Variants in ADAMTS9 observed in about 807,000 individuals in gnomAD.
The protein encoded by ADAMTS9 is A disintegrin and metalloproteinase with thrombospondin motifs 9.
ADAMTS9 carries 107 observed loss-of-function variants against 257.1 expected under a neutral mutation model. That is an observed-to-expected ratio of 0.42 (90% CI 0.36 to 0.49). ADAMTS9 has a LOEUF of 0.49. Among genes scored for constraint, ADAMTS9 ranks in the 20% least tolerant of loss-of-function variants. The pLI, the probability that ADAMTS9 is intolerant of heterozygous loss-of-function variation, is 0.03. For missense variants in ADAMTS9, 2,353 were observed against 2,469.1 expected, an observed-to-expected ratio of 0.95 and a Z score of 1.00; for synonymous variants, 982 against 880.9, an observed-to-expected ratio of 1.11 and a Z score of -2.03.
chr3:64,634,333 C>T (rs1171007413), intron 12 of ADAMTS9, among the ~76,000 whole-genome samples: 1 of 152,196 alleles, frequency 6.6e-6, no homozygotes, highest in East Asian at 1.9e-4. Context: ...GACATATTCA[C>T]AGGAGACCAT....
At chr3:64,685,766 C>T (rs1030364679) in intron 2 of ADAMTS9, among the ~76,000 whole-genome samples, 1 of 152,188 alleles carries the variant, frequency 6.6e-6, no homozygotes, top group African/African-American at 2.4e-5. Context: ...TCTCCACTCC[C>T]TGGAACCCGT....
chr3:64,552,047 G>A (rs2083277667), intron 30 of ADAMTS9, among the ~76,000 whole-genome samples: 1 of 152,198 alleles, frequency 6.6e-6, no homozygotes, highest in Admixed American at 6.5e-5. Context: ...TTTCAGAGAG[G>A]AGCTTATATG....
chr3:64,533,353 G>C, intron 37 of ADAMTS9, 83 bp from the exon 38 acceptor site: 1 of 1,056,392 alleles, frequency 9.5e-7, no homozygotes, highest in Non-Finnish European at 1.4e-6. Context: ...ACAATAAAAG[G>C]TACTTTGGAA....
At position 64,652,806 on chromosome 3, in the gene ADAMTS9, C is replaced by T. The variant is rs996236639; in HGVS notation, c.1316+1547G>A. Among the ~76,000 whole-genome samples the T allele has an allele frequency of 5.9e-5, 9 of 152,270 alleles. No homozygotes were observed. The East Asian group carries it at 1.7e-3, about 29-fold the overall frequency. ...TACCCAATGAATAGTACAGGTTGAA[C>T]ATCCCTAATCTCAAAACCCCAAATC... is the stretch of plus-strand genomic sequence containing the variant. On this transcript the variant is annotated intron_variant, in intron 8 of 39. Coordinates refer to ENST00000498707, the MANE Select transcript of ADAMTS9 (RefSeq NM_182920.2).
At chr3:64,558,962 C>T (rs903331177) in intron 30 of ADAMTS9, among the ~76,000 whole-genome samples, 2 of 152,026 alleles carry the variant, frequency 1.3e-5, no homozygotes, top group African/African-American at 2.4e-5. Context: ...TCAGGTAAAA[C>T]GGTGGCTGAA....
chr3:64,537,667 G>T (rs4688480), intron 37 of ADAMTS9, among the ~76,000 whole-genome samples: 1 of 148,752 alleles, frequency 6.7e-6, no homozygotes, highest in Admixed American at 6.7e-5. Context: ...TATGGAGACA[G>T]GGCTTGGGAT....
chr3:64,671,016 C>G (rs935531788), intron 3 of ADAMTS9, among the ~76,000 whole-genome samples: 1 of 152,166 alleles, frequency 6.6e-6, no homozygotes, highest in Non-Finnish European at 1.5e-5. Context: ...ATTAACCACA[C>G]AAGCCAGTAA....
chr3:64,561,669 T>G lies in ADAMTS9; in HGVS notation c.4607A>C (p.Glu1536Ala), dbSNP rs892722430. Residue 1536 changes from glutamate to alanine, a missense_variant, in exon 30 of 40, where the codon GAG (glutamate) becomes GCG (alanine). By Grantham distance (107) the Glu-to-Ala change is moderately radical. This residue lies in a region of ADAMTS9 where 1,402 missense variants were observed against 1,441.4 expected (regional missense o/e 0.97). Transcript: ENST00000498707. ...CTCCGGTCTGGTGTATGGGTTGCACTCGGTCTCTCTGGCTATTTTGTGTGT... is the reference window on the plus strand; with the variant it reads ...CTCCGGTCTGGTGTATGGGTTGCACGCGGTCTCTCTGGCTATTTTGTGTGT... ...IGTHKIARET[E>A]CNPYTRPESE... 2 of 1,614,096 alleles carry G rather than the reference T, an allele frequency of 1.2e-6. No homozygotes were observed. The highest frequency in any genetic ancestry group is 2.7e-5 in the African/African-American group (2 of 75,014).
intron 28 of ADAMTS9, among the ~76,000 whole-genome samples, chr3:64,580,307 T>C (rs1032907175): frequency 1.3e-5 from 2 of 152,178 alleles, no homozygotes; most frequent in Non-Finnish European, 2.9e-5. Context: ...TTCTTTCATT[T>C]AGAAAAAGCC....
Position 64,596,813 on chromosome 3 carries a change from G to T in ADAMTS9, c.4179+17C>A. The stretch of plus-strand genomic sequence containing the variant: ...ACACAATTCCTCTGTATTTATAGAC[G>T]GATAGTTCACTCTCACCTCTCCCCA... On this transcript the variant is annotated intron_variant, in intron 27 of 39. Transcript: ENST00000498707. 1 of 1,613,426 alleles carries T rather than the reference G, an allele frequency of 6.2e-7. No homozygotes were observed. Among genetic ancestry groups the T allele is most frequent in the Non-Finnish European group, 8.5e-7 (1 of 1,179,714 alleles).
intron 11 of ADAMTS9, among the ~76,000 whole-genome samples, chr3:64,642,974 G>C (rs1700692571): frequency 6.6e-6 from 1 of 152,166 alleles, no homozygotes. Context: ...CCCCACACAA[G>C]GCTTGGTAAA....
chr3:64,631,491 T>A lies in ADAMTS9; in HGVS notation c.2353A>T (p.Ser785Cys). 1 of 1,614,148 alleles carries A rather than the reference T, an allele frequency of 6.2e-7. No individual in the cohort carries two copies. The highest frequency in any genetic ancestry group is 8.5e-7 in the Non-Finnish European group (1 of 1,179,966). ...GATNIDVRQH[S>C]FSGETDDDNY... is the part of the protein sequence containing the mutation. The stretch of plus-strand genomic sequence containing the variant: ...TCATCGTCTGTTTCCCCTGAGAAAC[T>A]GTGCTGCCGCACATCAATATTGGTA... The change falls in exon 16 of 40, where the codon AGT becomes TGT. Residue 785 changes from serine (S) to cysteine (C), a missense_variant. Coordinates refer to ENST00000498707, the MANE Select transcript of ADAMTS9 (RefSeq NM_182920.2).
intron 16 of ADAMTS9, 27 bp downstream of exon 16, chr3:64,631,428 C>T (rs199565903): frequency 8.2e-6 from 13 of 1,585,102 alleles, no homozygotes; most frequent in Non-Finnish European, 1.1e-5. Context: ...AACCAGAACT[C>T]GCAAGTAGTG....
At chr3:64,533,917 T>C (rs1182869554) in intron 37 of ADAMTS9, among the ~76,000 whole-genome samples, 1 of 152,168 alleles carries the variant, frequency 6.6e-6, no homozygotes, top group African/African-American at 2.4e-5. Context: ...GAACATGGCC[T>C]CTGGTGCCTC....
chr3:64,633,663 G>A lies in ADAMTS9; in HGVS notation c.2038+35C>T, dbSNP rs201169608. 4,230 of 1,613,728 alleles carry A rather than the reference G, an allele frequency of 2.6e-3. 6 individuals carry two copies. The highest frequency in any genetic ancestry group is 3.3e-3 in the Non-Finnish European group (3,858 of 1,179,822). On this transcript the variant is annotated intron_variant, in intron 13 of 39. Coordinates refer to ENST00000498707, the MANE Select transcript of ADAMTS9 (RefSeq NM_182920.2). ...TTTGTGCCTGGCCTCAGTGCCGGCC[G>A]GCCAACGGTGAACAGATACACCAGA...
intron 38 of ADAMTS9, among the ~76,000 whole-genome samples, chr3:64,522,873 A>G (rs1035765088): frequency 1.3e-5 from 2 of 152,224 alleles, no homozygotes; most frequent in Non-Finnish European, 2.9e-5. Flanking sequence ...TTATTTTGTT[A>G]TCAAATTTAG....
rs991669302 is a variant in ADAMTS9 at position 64,515,893 on chromosome 3, G to C, written c.*1234C>G. 1 of 152,162 alleles carries C rather than the reference G, an allele frequency of 6.6e-6. No individual in the cohort carries two copies. The highest frequency in any genetic ancestry group is 6.5e-5 in the Admixed American group (1 of 15,272). 9.4% of individuals were successfully genotyped at this position (152,162 alleles called of 1,614,324 possible). A position where few individuals can be genotyped will look rare whatever the true frequency, so the allele number is the denominator to read the frequency against. On this transcript the variant is annotated 3_prime_UTR_variant, in exon 40 of 40. Transcript: ENST00000498707. Reference sequence around the variant, plus strand: ...GGCTTCCCTTCATCAGCTTGGAGGGGCAGAAAGACCATGGCTTCAGCACTT... The same window carrying C: ...GGCTTCCCTTCATCAGCTTGGAGGGCCAGAAAGACCATGGCTTCAGCACTT...
At position 64,594,374 on chromosome 3, in the gene ADAMTS9, C is replaced by T. The variant is rs754138717; in HGVS notation, c.4240G>A (p.Gly1414Ser). 25 of 1,613,930 alleles carry T rather than the reference C, an allele frequency of 1.5e-5. No homozygotes were observed. Among genetic ancestry groups the T allele is most frequent in the Admixed American group, 5.0e-5 (3 of 59,994 alleles). The change falls in exon 28 of 40, where the codon GGT becomes AGT. Residue 1414 changes from glycine (G) to serine (S), a missense_variant. Transcript: ENST00000498707. ...CAGCTCAAATCTGGAAACCGTTCAC[C>T]GTTGGACCGCTGACAGACCACCAGT... ...TRLVVCQRSN[G>S]ERFPDLSCEI...
At chr3:64,656,698 TC>T (rs1188814487) in intron 4 of ADAMTS9, among the ~76,000 whole-genome samples, 1 of 151,982 alleles carries the variant, frequency 6.6e-6, no homozygotes, top group African/African-American at 2.4e-5. Flanking sequence ...GATTAGATGT[TC>T]CCTTCCCTCA....
Sources: allele counts gnomAD v4.1 joint callset (sites outside exome capture counted in the v4.1 genomes callset), GRCh38; gene constraint gnomAD v4.1.1; regional missense constraint gnomAD v4.1.1; transcripts MANE v1.5; gene names NCBI Gene and HGNC (gene_info 2026-07-23, HGNC 2026-07-21).